The following IL19 variants were observed in gnomAD, a reference collection of about 807,000 sequenced individuals.
IL19 encodes the protein interleukin-19.
IL19 carries 15 observed loss-of-function variants against 19.5 expected under a neutral mutation model. That is an observed-to-expected ratio of 0.77 (90% CI 0.52 to 1.19). The LOEUF (loss-of-function observed/expected upper bound fraction) is 1.19. Ranked by LOEUF, IL19 falls within the 50% of genes most tolerant of loss-of-function variation. IL19 has a pLI of 0.00. For synonymous variants in IL19, 78 were observed against 78.3 expected, an observed-to-expected ratio of 1.00 and a Z score of 0.02; for missense variants, 199 against 213.1, an observed-to-expected ratio of 0.93 and a Z score of 0.41.
chr1:206,780,132 C>T (rs185367549), intron 1 of IL19, among the ~76,000 whole-genome samples: 7 of 152,200 alleles, frequency 4.6e-5, no homozygotes, highest in Admixed American at 3.3e-4. Flanking sequence ...GGTCAGGCCC[C>T]CTGGGTGTAT....
intron 1 of IL19, among the ~76,000 whole-genome samples, chr1:206,791,303 T>G (rs1217188323): frequency 1.8e-4 from 4 of 22,832 alleles, no homozygotes; most frequent in Admixed American, 5.3e-4. Context: ...GTCCTTAGGT[T>G]TTTTTTTTTT....
chr1:206,799,215 G>T (rs1675613381), intron 2 of IL19, among the ~76,000 whole-genome samples: 1 of 152,132 alleles, frequency 6.6e-6, no homozygotes, highest in Non-Finnish European at 1.5e-5. Context: ...GATGCTGAGG[G>T]TGAGTGAGGG....
intron 2 of IL19, among the ~76,000 whole-genome samples, chr1:206,813,284 T>G (rs1676064874): frequency 1.3e-5 from 2 of 152,194 alleles, no homozygotes. Context: ...AAAGGGGTTT[T>G]CTCCTTCCTA....
intron 1 of IL19, among the ~76,000 whole-genome samples, chr1:206,781,892 TAGTTATATATACATATATATGTATATA>T (rs1675144174): frequency 1.6e-5 from 2 of 126,454 alleles, no homozygotes; most frequent in Non-Finnish European, 3.2e-5. Context: ...TATATGTATA[TAGTTATATATACATATATATGTATATA>T]GTTATATATA....
At chr1:206,824,899 C>T (rs1323789662) in intron 2 of IL19, among the ~76,000 whole-genome samples, 4 of 152,252 alleles carry the variant, frequency 2.6e-5, no homozygotes, top group Non-Finnish European at 5.9e-5. Context: ...GGATTACAGG[C>T]GCCCATCACC....
At chr1:206,821,478 T>C (rs557914895) in intron 2 of IL19, among the ~76,000 whole-genome samples, 159 of 152,318 alleles carry the variant, frequency 1.0e-3, no homozygotes, top group Non-Finnish European at 2.0e-3. Context: ...TGCTCTCCCA[T>C]TAGGGTTTTT....
intron 2 of IL19, among the ~76,000 whole-genome samples, chr1:206,810,419 AG>A (rs1158366284): frequency 2.0e-5 from 3 of 152,202 alleles, no homozygotes; most frequent in Non-Finnish European, 2.9e-5. Flanking sequence ...GGAATGATGG[AG>A]TGACTTTATC....
chr1:206,821,492 T>A (rs1676289785), intron 2 of IL19, among the ~76,000 whole-genome samples: 1 of 152,224 alleles, frequency 6.6e-6, no homozygotes, highest in Non-Finnish European at 1.5e-5. Flanking sequence ...GGTTTTTCTT[T>A]AACAGGGACC....
intron 1 of IL19, among the ~76,000 whole-genome samples, chr1:206,781,761 TGTTG>T (rs1675137494): frequency 1.3e-5 from 2 of 151,322 alleles, no homozygotes; most frequent in Non-Finnish European, 2.9e-5. Context: ...CTAAGTCAGC[TGTTG>T]GCGAACTATG....
intron 1 of IL19, among the ~76,000 whole-genome samples, chr1:206,797,447 G>C (rs1332298418): frequency 1.3e-5 from 2 of 151,994 alleles, no homozygotes; most frequent in African/African-American, 4.8e-5. Flanking sequence ...GAGAGTTCAG[G>C]TATTCTTGCA....
chr1:206,834,252 G>GA (rs1337817354), intron 2 of IL19: 4 of 985,440 alleles, frequency 4.1e-6, no homozygotes, highest in Non-Finnish European at 4.8e-6. Flanking sequence ...AAAACAAGGG[G>GA]AAAAAACAAT....
At chr1:206,833,102 A>G (rs1398915524) in intron 2 of IL19, among the ~76,000 whole-genome samples, 2 of 152,222 alleles carry the variant, frequency 1.3e-5, no homozygotes, top group African/African-American at 4.8e-5. Context: ...ATGTCAAAAG[A>G]CAAAATTACA....
intron 2 of IL19, among the ~76,000 whole-genome samples, chr1:206,808,726 G>T (rs1675923444): frequency 6.6e-6 from 1 of 152,180 alleles, no homozygotes; most frequent in Non-Finnish European, 1.5e-5. Flanking sequence ...CCTTAGAGGG[G>T]CTTGTTGCTA....
At chr1:206,790,062 A>T (rs1016354815) in intron 1 of IL19, among the ~76,000 whole-genome samples, 1 of 152,160 alleles carries the variant, frequency 6.6e-6, no homozygotes, top group Admixed American at 6.5e-5. Context: ...CAGTAGTGGG[A>T]TTGCAGGATT....
intron 2 of IL19, chr1:206,833,733 G>A (rs887722090): frequency 1.0e-6 from 1 of 984,852 alleles, no homozygotes; most frequent in African/African-American, 1.7e-5. Flanking sequence ...CTCTCTCTCT[G>A]CATTAATCAA....
At chr1:206,790,873 CA>C (rs1675385075) in intron 1 of IL19, among the ~76,000 whole-genome samples, 2 of 152,200 alleles carry the variant, frequency 1.3e-5, no homozygotes. Flanking sequence ...AGGACGCAGG[CA>C]AGAGCCTCAA....
chr1:206,828,427 C>T (rs1011364853), intron 2 of IL19, among the ~76,000 whole-genome samples: 4 of 152,194 alleles, frequency 2.6e-5, no homozygotes, highest in Admixed American at 1.3e-4. Flanking sequence ...TGGGCATGCC[C>T]TACTCTCTAA....
intron 1 of IL19, among the ~76,000 whole-genome samples, chr1:206,775,985 C>T (rs1436978215): frequency 6.6e-6 from 1 of 152,196 alleles, no homozygotes; most frequent in Non-Finnish European, 1.5e-5. Flanking sequence ...GCATAGTAGG[C>T]ATCTAATCAA....
chr1:206,803,576 C>T (rs1210523712), intron 2 of IL19, among the ~76,000 whole-genome samples: 1 of 152,152 alleles, frequency 6.6e-6, no homozygotes, highest in Non-Finnish European at 1.5e-5. Flanking sequence ...CAGACACAGG[C>T]CTCAGGTGAT....
Sources: allele counts gnomAD v4.1 joint callset (sites outside exome capture counted in the v4.1 genomes callset), GRCh38; gene constraint gnomAD v4.1.1; transcripts MANE v1.5; gene names NCBI Gene and HGNC (gene_info 2026-07-23, HGNC 2026-07-21).